The following CNTRL variants were observed in gnomAD, a reference collection of about 807,000 sequenced individuals.
CNTRL encodes the protein centriolin.
A neutral mutation model predicts 303.7 loss-of-function variants in CNTRL; 233 were observed. The ratio of observed to expected loss-of-function variants is 0.77; its 90% CI spans 0.69 to 0.86. CNTRL has a LOEUF of 0.86. CNTRL is among the 40% of genes least tolerant of loss of function. CNTRL has a pLI of 0.00. For synonymous variants in CNTRL, 900 were observed against 922.2 expected, an observed-to-expected ratio of 0.98 and a Z score of 0.44; for missense variants, 2,524 against 2,650.6, an observed-to-expected ratio of 0.95 and a Z score of 1.05.
In CNTRL at chr9:121,075,011, C is replaced by T. The variant is rs1348197377; in HGVS notation, c.-261C>T. Reference sequence around the variant, plus strand: ...GCCGCTGGGCCCCTGAGGAAAGAGCCCGAACTTCTCCCGCTCTACCTCAGC... The same window carrying T: ...GCCGCTGGGCCCCTGAGGAAAGAGCTCGAACTTCTCCCGCTCTACCTCAGC... On this transcript the variant is annotated 5_prime_UTR_variant, in exon 1 of 44. Coordinates refer to ENST00000373855, the MANE Select transcript of CNTRL (RefSeq NM_007018.6). 4.4e-6 allele frequency: 2 copies of T among 453,974 alleles called. No homozygotes were observed. The highest frequency in any genetic ancestry group is 7.0e-5 in the East Asian group (1 of 14,340). The allele number at this position is 453,974 out of a possible 1,614,324, so 28.1% of individuals were successfully genotyped here.
At chr9:121,144,793 A>C in intron 20 of CNTRL, 50 bp from the exon 21 acceptor site, 2 of 1,369,520 alleles carry the variant, frequency 1.5e-6, no homozygotes, top group Non-Finnish European at 2.1e-6. Context: ...GAAATGAAGA[A>C]GACAACCTGT....
intron 9 of CNTRL, 105 bp downstream of exon 9, chr9:121,112,683 TC>T: frequency 8.5e-7 from 1 of 1,170,260 alleles, no homozygotes; most frequent in Non-Finnish European, 1.2e-6. Flanking sequence ...CAGATATCAC[TC>T]CACTTTCTTG....
chr9:121,121,900 A>C (rs2050249738), intron 12 of CNTRL: 1 of 985,318 alleles, frequency 1.0e-6, no homozygotes, highest in South Asian at 4.7e-5. Flanking sequence ...TTCCGCCCAC[A>C]GTTTCTCTGT....
chr9:121,169,676 A>G lies in CNTRL; in HGVS notation c.6136A>G (p.Lys2046Glu). The change falls in exon 39 of 44, where the codon AAA (lysine) becomes GAA (glutamate). Residue 2046 changes from lysine to glutamate, a missense_variant. Lys to Glu is a moderately conservative substitution (Grantham distance 56). Coordinates refer to ENST00000373855, the MANE Select transcript of CNTRL (RefSeq NM_007018.6). The part of the protein sequence containing the change: ...EKSGELLALQ[K>E]EADSMRADFS... ...ATCAGGTGAGCTGTTGGCCCTCCAG[A>G]AAGAGGCAGATTCTATGAGGGCAGA... is the stretch of plus-strand genomic sequence containing the variant. 6.2e-7 allele frequency: 1 copy of G among 1,614,182 alleles called. No homozygotes were observed. The highest frequency in any genetic ancestry group is 2.2e-5 in the East Asian group (1 of 44,882).
intron 12 of CNTRL, chr9:121,121,974 G>A (rs7846825): frequency 1.0e-6 from 1 of 970,124 alleles, no homozygotes. Flanking sequence ...TTCTCTCTCT[G>A]TACAAAGGAC....
intron 12 of CNTRL, among the ~76,000 whole-genome samples, chr9:121,120,587 G>A (rs2050181780): frequency 6.6e-6 from 1 of 152,194 alleles, no homozygotes; most frequent in Admixed American, 6.5e-5. Context: ...AGGGAGGAAG[G>A]AAGCAGCTTA....
intron 34 of CNTRL, among the ~76,000 whole-genome samples, chr9:121,163,001 AAAG>A (rs1189654695): frequency 6.6e-6 from 1 of 152,164 alleles, no homozygotes; most frequent in African/African-American, 2.4e-5. Context: ...AAAACCAAAA[AAAG>A]AATCTCAATT....
intron 30 of CNTRL, 78 bp from the exon 31 acceptor site, chr9:121,158,777 C>A: frequency 7.3e-7 from 1 of 1,364,776 alleles, no homozygotes; most frequent in Admixed American, 2.0e-5. Flanking sequence ...TTTTACCTCA[C>A]AACTAAATTA....
At chr9:121,133,785 A>G (rs1225284418) in intron 14 of CNTRL, among the ~76,000 whole-genome samples, 1 of 152,146 alleles carries the variant, frequency 6.6e-6, no homozygotes, top group Non-Finnish European at 1.5e-5. Flanking sequence ...CCATCTCGGA[A>G]CGGGATTCAA....
chr9:121,140,012 A>G (rs1018805613), intron 16 of CNTRL, among the ~76,000 whole-genome samples: 3 of 152,182 alleles, frequency 2.0e-5, no homozygotes, highest in African/African-American at 4.8e-5. Flanking sequence ...AACCCACTCT[A>G]CATGTCTTTG....
intron 24 of CNTRL, among the ~76,000 whole-genome samples, chr9:121,149,365 C>T (rs1021064728): frequency 6.6e-6 from 1 of 151,966 alleles, no homozygotes; most frequent in East Asian, 1.9e-4. Flanking sequence ...GTGAATACTA[C>T]CTTCTGAGAA....
Position 121,165,042 on chromosome 9 carries a change from A to C in CNTRL, c.5523A>C (p.Leu1841=). The C allele has an allele frequency of 6.2e-7, 1 of 1,608,694 alleles. No individual in the cohort carries two copies. Among genetic ancestry groups the C allele is most frequent in the South Asian group, 1.1e-5 (1 of 89,992 alleles). ...VRKLQQELDQ[L]NRDKLSLHND... is the part of the protein sequence containing the mutation. Reference sequence around the variant, plus strand: ...AACTGCAGCAGGAACTAGACCAACTAAACAGAGACAAGTTGTCACTGCATA... The same window carrying C: ...AACTGCAGCAGGAACTAGACCAACTCAACAGAGACAAGTTGTCACTGCATA... The change falls in exon 35 of 44, where the codon CTA becomes CTC. Residue 1841 remains leucine, a synonymous_variant. Transcript: ENST00000373855.
In CNTRL at chr9:121,157,184, T is replaced by C. The variant is rs1214943735; in HGVS notation, c.4366-286T>C. ...ATTAACATTCTTCCGTGTTGCTACA[T>C]TGTCATCTGATCATTTGAAAGGCTA... On this transcript the variant is annotated intron_variant, in intron 27 of 43. Transcript: ENST00000373855. Among the ~76,000 whole-genome samples the C allele has an allele frequency of 2.6e-5, 4 of 152,248 alleles. No homozygotes were observed. The East Asian group carries it at 7.7e-4, about 29-fold the overall frequency.
Position 121,141,451 on chromosome 9 carries a change from G to T in CNTRL, c.2554G>T (p.Ala852Ser). The change falls in exon 18 of 44, where the codon GCA (alanine) becomes TCA (serine). Residue 852 changes from alanine (A) to serine (S), a missense_variant. Physicochemically the swap from Ala to Ser is moderately conservative, Grantham distance 99. Transcript: ENST00000373855. ...ACAGAAACAATTCAGTGAAATTCTT[G>T]CACGCTCCAAGTGGGAAAGAGATGA... ...DLQKQFSEIL[A>S]RSKWERDEAQ... is the part of the protein sequence containing the mutation. 1 of 1,613,974 alleles carries T rather than the reference G, an allele frequency of 6.2e-7. No individual in the cohort carries two copies. Among genetic ancestry groups the T allele is most frequent in the Non-Finnish European group, 8.5e-7 (1 of 1,179,940 alleles).
intron 36 of CNTRL, 91 bp downstream of exon 36, chr9:121,166,271 T>A: frequency 1.2e-6 from 1 of 845,378 alleles, no homozygotes; most frequent in South Asian, 1.7e-5. Flanking sequence ...GGCTGGTTCC[T>A]CTTCACAACA....
intron 4 of CNTRL, among the ~76,000 whole-genome samples, chr9:121,093,681 T>C (rs1272613448): frequency 3.3e-5 from 5 of 152,234 alleles, no homozygotes; most frequent in African/African-American, 1.2e-4. Flanking sequence ...ACATATTGAA[T>C]ATAAACTCTG....
intron 31 of CNTRL, 150 bp downstream of exon 31, chr9:121,159,169 A>G (rs2052732615): frequency 1.3e-6 from 1 of 749,788 alleles, no homozygotes; most frequent in South Asian, 1.9e-5. Context: ...TTACATATCC[A>G]TGCAGTGGCT....
intron 12 of CNTRL, among the ~76,000 whole-genome samples, chr9:121,118,805 C>T (rs1224154835): frequency 2.0e-5 from 3 of 151,900 alleles, no homozygotes; most frequent in Non-Finnish European, 4.4e-5. Context: ...GTCATTATTC[C>T]CTAAACAAGA....
In CNTRL at chr9:121,120,494, C is replaced by T. The variant is rs138623991; in HGVS notation, c.1650+1954C>T. Among the ~76,000 whole-genome samples, 390 of 152,272 alleles carry T rather than the reference C, an allele frequency of 2.6e-3. 1 individual carries two copies. Among genetic ancestry groups the T allele is most frequent in the African/African-American group, 9.2e-3 (381 of 41,556 alleles). On this transcript the variant is annotated intron_variant, in intron 12 of 43. Coordinates refer to ENST00000373855, the MANE Select transcript of CNTRL (RefSeq NM_007018.6). ...TCAATCTCCCACCCATGTAAGGTCC[C>T]TGAAGACATGAACTCTATCCTACTG... is the stretch of plus-strand genomic sequence containing the variant.
Sources: allele counts gnomAD v4.1 joint callset (sites outside exome capture counted in the v4.1 genomes callset), GRCh38; gene constraint gnomAD v4.1.1; transcripts MANE v1.5; gene names NCBI Gene and HGNC (gene_info 2026-07-23, HGNC 2026-07-21).